The following RARS1 variants were observed in gnomAD, a reference collection of about 807,000 sequenced individuals.
RARS1 encodes the protein arginine--tRNA ligase, cytoplasmic.
RARS1 carries 75 observed loss-of-function variants against 78.7 expected under a neutral mutation model. That is an observed-to-expected ratio of 0.95 (90% CI 0.79 to 1.15). The LOEUF is 1.15. Ranked by LOEUF, RARS1 falls within the 50% of genes most tolerant of loss-of-function variation. RARS1 has a pLI of 0.00. For missense variants in RARS1, 787 were observed against 787.5 expected, an observed-to-expected ratio of 1.00 and a Z score of 0.01; for synonymous variants, 273 against 268.2, an observed-to-expected ratio of 1.02 and a Z score of -0.18.
chr5:168,497,183 C>G, intron 6 of RARS1, 45 bp from the exon 7 acceptor site: 4 of 1,323,256 alleles, frequency 3.0e-6, no homozygotes, highest in Non-Finnish European at 4.0e-6. Context: ...ACTTAACCAT[C>G]TTTATTATTT....
intron 2 of RARS1, among the ~76,000 whole-genome samples, chr5:168,489,015 C>A (rs930135776): frequency 1.3e-5 from 2 of 152,078 alleles, no homozygotes; most frequent in East Asian, 3.8e-4. Context: ...TGAGGCATTT[C>A]TTTTTAAAAA....
chr5:168,510,350 A>G (rs1758539871), intron 11 of RARS1, among the ~76,000 whole-genome samples: 1 of 152,190 alleles, frequency 6.6e-6, no homozygotes, highest in Non-Finnish European at 1.5e-5. Flanking sequence ...GATGAAAGAC[A>G]CTTGAAAGCA....
intron 3 of RARS1, chr5:168,493,100 A>T (rs914216899): frequency 5.7e-6 from 2 of 352,720 alleles, no homozygotes; most frequent in Non-Finnish European, 1.1e-5. Context: ...TTGTTTAGGT[A>T]TTTCCCTCCT....
chr5:168,500,720 G>T lies in RARS1; in HGVS notation c.952G>T (p.Glu318Ter). 1 of 1,609,326 alleles carries T rather than the reference G, an allele frequency of 6.2e-7. No individual in the cohort carries two copies. The highest frequency in any genetic ancestry group is 1.1e-5 in the South Asian group (1 of 90,134). Residue 318 changes from glutamate to a stop codon, truncating the protein, a stop_gained and splice_region_variant, in exon 8 of 15, where the codon GAG becomes TAG. Transcript: ENST00000231572. LOFTEE classifies it high-confidence loss of function. ...WKLICDVSRQ[E>*]LNKIYDALDV... ...GCTTATCTGTGATGTCTCCCGCCAA[G>T]GTGAGTTTCTGGGCTTTGTTCCTTC...
intron 9 of RARS1, among the ~76,000 whole-genome samples, chr5:168,505,810 T>G (rs1436137046): frequency 2.0e-5 from 3 of 151,868 alleles, no homozygotes; most frequent in Non-Finnish European, 4.4e-5. Context: ...GATAGCACCC[T>G]GAGTATCCAG....
At chr5:168,507,807 A>C (rs1020590759) in intron 11 of RARS1, among the ~76,000 whole-genome samples, 6 of 151,730 alleles carry the variant, frequency 4.0e-5, no homozygotes, top group Non-Finnish European at 5.9e-5. Context: ...TAGGAAGCCA[A>C]TGCTGGAGGA....
In RARS1 at chr5:168,516,834, C is replaced by G. The variant is rs1402728778; in HGVS notation, c.1509C>G (p.Ile503Met). ...AGACATCCGTTGCGTATGGCTGCATCAAATATGCTGACCTTTCCCATAACC... is the reference window on the plus strand; with the variant it reads ...AGACATCCGTTGCGTATGGCTGCATGAAATATGCTGACCTTTCCCATAACC... ...AAQTSVAYGC[I>M]KYADLSHNRL... is the part of the protein sequence containing the mutation. The change falls in exon 13 of 15, where the codon ATC (isoleucine) becomes ATG (methionine). Residue 503 changes from isoleucine to methionine, a missense_variant. Ile to Met is a conservative substitution (Grantham distance 10, BLOSUM62 1). Transcript: ENST00000231572. 6.2e-7 allele frequency: 1 copy of G among 1,614,160 alleles called. No homozygotes were observed.
chr5:168,492,924 A>G, intron 3 of RARS1, 77 bp downstream of exon 3: 1 of 1,279,490 alleles, frequency 7.8e-7, no homozygotes, highest in Non-Finnish European at 1.1e-6. Context: ...CAGAAATAAT[A>G]CTATTACAAG....
chr5:168,486,491 A>G lies in RARS1; in HGVS notation c.-8A>G. 2 of 1,557,462 alleles carry G rather than the reference A, an allele frequency of 1.3e-6. No individual in the cohort carries two copies. The highest frequency in any genetic ancestry group is 1.2e-5 in the South Asian group (1 of 84,556). ...CGTCCACTTGGCGAGTGAGACGCTG[A>G]TGGGAGGATGGACGTACTGGTGTCT... On this transcript the variant is annotated 5_prime_UTR_variant, in exon 1 of 15. It removes an upstream start codon present in the reference 5' UTR. Coordinates refer to ENST00000231572, the MANE Select transcript of RARS1 (RefSeq NM_002887.4).
At chr5:168,502,645 G>C (rs1318907749) in intron 9 of RARS1, among the ~76,000 whole-genome samples, 5 of 145,044 alleles carry the variant, frequency 3.4e-5, no homozygotes, top group Non-Finnish European at 7.5e-5. Context: ...GATCTCGGCT[G>C]ACTGCAACCT....
intron 6 of RARS1, 132 bp downstream of exon 6, chr5:168,495,568 T>G: frequency 2.2e-6 from 3 of 1,361,786 alleles, no homozygotes; most frequent in Non-Finnish European, 2.9e-6. Context: ...AGTTCTTCTT[T>G]ACAACCACCC....
intron 7 of RARS1, among the ~76,000 whole-genome samples, chr5:168,500,259 G>A (rs1758289925): frequency 6.6e-6 from 1 of 150,798 alleles, no homozygotes; most frequent in African/African-American, 2.4e-5. Flanking sequence ...ATCCAAAATG[G>A]AGATTGGAAC....
intron 12 of RARS1, 108 bp downstream of exon 12, chr5:168,510,794 A>G: frequency 1.4e-6 from 1 of 689,962 alleles, no homozygotes; most frequent in Middle Eastern, 2.5e-4. Flanking sequence ...CCCACCTAGG[A>G]CAAGGCTTAT....
chr5:168,495,222 T>C, intron 5 of RARS1, 93 bp from the exon 6 acceptor site: 8 of 1,484,602 alleles, frequency 5.4e-6, no homozygotes, highest in Non-Finnish European at 7.2e-6. Context: ...AATGAATGCA[T>C]TGGAACAAAA....
intron 7 of RARS1, among the ~76,000 whole-genome samples, chr5:168,500,231 A>C (rs1422097219): frequency 6.6e-6 from 1 of 151,816 alleles, no homozygotes; most frequent in Non-Finnish European, 1.5e-5. Context: ...AACGAAAAAA[A>C]AATTCATTCA....
chr5:168,509,911 C>T (rs1027204228), intron 11 of RARS1, among the ~76,000 whole-genome samples: 1 of 152,120 alleles, frequency 6.6e-6, no homozygotes, highest in Non-Finnish European at 1.5e-5. Flanking sequence ...TTCAAGGTTA[C>T]AGTGAGCTGT....
intron 8 of RARS1, 96 bp downstream of exon 8, chr5:168,500,816 C>A: frequency 1.4e-6 from 2 of 1,394,156 alleles, no homozygotes; most frequent in Non-Finnish European, 9.6e-7. Context: ...ATATTTTAAC[C>A]TTCTAAGGAC....
chr5:168,506,347 G>T, intron 10 of RARS1, 148 bp downstream of exon 10: 1 of 703,728 alleles, frequency 1.4e-6, no homozygotes, highest in Non-Finnish European at 2.2e-6. Context: ...AGAAAGAAGA[G>T]GGTTTGGACC....
chr5:168,516,173 AGTT>A (rs894614455), intron 12 of RARS1, among the ~76,000 whole-genome samples: 2 of 152,126 alleles, frequency 1.3e-5, no homozygotes, highest in Admixed American at 6.5e-5. Context: ...GACTTCAACC[AGTT>A]GTTTCATATG....
Sources: allele counts gnomAD v4.1 joint callset (sites outside exome capture counted in the v4.1 genomes callset), GRCh38; gene constraint gnomAD v4.1.1; transcripts MANE v1.5; gene names NCBI Gene and HGNC (gene_info 2026-07-23, HGNC 2026-07-21).